Variants in AP1G1 observed in about 807,000 individuals in gnomAD.
The protein encoded by AP1G1 is AP-1 complex subunit gamma-1.
AP1G1 carries 7 observed loss-of-function variants against 108.3 expected under a neutral mutation model. The ratio of observed to expected loss-of-function variants is 0.06; its 90% CI spans 0.04 to 0.12. The LOEUF (loss-of-function observed/expected upper bound fraction) is 0.12, where lower values mean the gene tolerates loss of function less well. Among genes scored for constraint, AP1G1 ranks in the 10% least tolerant of loss-of-function variants. The pLI, the probability that AP1G1 is intolerant of heterozygous loss-of-function variation, is 1.00. For missense variants in AP1G1, 756 were observed against 1,010.7 expected (o/e 0.75, Z 3.42); for synonymous variants, 379 against 353.5 (o/e 1.07, Z -0.81).
chr16:71,745,242 C>T lies in AP1G1; in HGVS notation c.1901G>A (p.Gly634Glu), dbSNP rs571680998. ...QANDLLDLLGGNDITPVIPTA... is the reference protein window; with the variant it reads ...QANDLLDLLGENDITPVIPTA... ...TGGAATAACAGGTGTTATGTCATTT[C>T]CTCCCAACAAATCCAATAAATCATT... The change falls in exon 19 of 23, where the codon GGA becomes GAA. Residue 634 changes from glycine to glutamate, a missense_variant. Coordinates refer to ENST00000299980, the MANE Select transcript of AP1G1 (RefSeq NM_001128.6). The T allele has an allele frequency of 1.2e-6, 2 of 1,614,158 alleles. No homozygotes were observed. Among genetic ancestry groups the T allele is most frequent in the Non-Finnish European group, 1.7e-6 (2 of 1,180,016 alleles).
chr16:71,756,060 A>G lies in AP1G1; in HGVS notation c.1188T>C (p.Phe396=), dbSNP rs199893729. The G allele has an allele frequency of 9.5e-5, 154 of 1,613,250 alleles. No homozygotes were observed. Among genetic ancestry groups the G allele is most frequent in the African/African-American group, 2.7e-5 (2 of 74,938 alleles). Residue 396 remains phenylalanine, a synonymous_variant, in exon 12 of 23, where the codon TTT becomes TTC. Coordinates refer to ENST00000299980, the MANE Select transcript of AP1G1 (RefSeq NM_001128.6). ...AGATTCCAGATGCACAGTCTGCTTTAAATTCTGGCTCACACGAATCCAGAA... is the reference window on the plus strand; with the variant it reads ...AGATTCCAGATGCACAGTCTGCTTTGAATTCTGGCTCACACGAATCCAGAA... ...LYFLDSCEPE[F]KADCASGIFL... is the part of the protein sequence containing the mutation.
At position 71,753,900 on chromosome 16, in the gene AP1G1, A is replaced by G. The variant is rs757637596; in HGVS notation, c.1230-13T>C. 1 of 1,613,152 alleles carries G rather than the reference A, an allele frequency of 6.2e-7. No homozygotes were observed. Among genetic ancestry groups the G allele is most frequent in the Admixed American group, 1.7e-5 (1 of 59,954 alleles). On this transcript the variant is annotated splice_polypyrimidine_tract_variant and intron_variant, in intron 12 of 22. Coordinates refer to ENST00000299980, the MANE Select transcript of AP1G1 (RefSeq NM_001128.6). ...GGAAGGTGCATACCTGAAAAAAACAATGGAAAGGGACACTTGGAACCAGTA... is the reference window on the plus strand; with the variant it reads ...GGAAGGTGCATACCTGAAAAAAACAGTGGAAAGGGACACTTGGAACCAGTA...
intron 19 of AP1G1, among the ~76,000 whole-genome samples, chr16:71,741,275 A>G (rs1368078626): frequency 2.0e-5 from 3 of 152,228 alleles, no homozygotes; most frequent in African/African-American, 4.8e-5. Context: ...AAAAGATACT[A>G]AAGAATACTA....
intron 9 of AP1G1, among the ~76,000 whole-genome samples, chr16:71,763,147 G>C (rs1207965768): frequency 6.6e-6 from 1 of 152,206 alleles, no homozygotes. Context: ...GATTGCTTGA[G>C]GCCAGGAGTT....
chr16:71,785,569 C>A (rs1407839399), intron 2 of AP1G1, among the ~76,000 whole-genome samples: 1 of 126,438 alleles, frequency 7.9e-6, no homozygotes, highest in African/African-American at 3.0e-5. Flanking sequence ...GAGCGAAACC[C>A]TGCCTCAAAA....
chr16:71,749,196 C>A (rs1332916536), intron 15 of AP1G1, among the ~76,000 whole-genome samples: 2 of 151,982 alleles, frequency 1.3e-5, no homozygotes, highest in East Asian at 3.9e-4. Flanking sequence ...GGATTACAGG[C>A]ATGAGCCACC....
At chr16:71,750,085 A>AT in intron 14 of AP1G1, 102 bp from the exon 15 acceptor site, 4 of 1,464,156 alleles carry the variant, frequency 2.7e-6, no homozygotes, top group Non-Finnish European at 3.8e-6. Context: ...AACTGTGCAT[A>AT]TCTAGAGTGT....
intron 9 of AP1G1, among the ~76,000 whole-genome samples, chr16:71,762,953 G>A (rs370372216): frequency 6.6e-5 from 10 of 152,150 alleles, no homozygotes; most frequent in African/African-American, 2.4e-4. Flanking sequence ...TCAAACTGTG[G>A]GATGTGACAC....
intron 1 of AP1G1, among the ~76,000 whole-genome samples, chr16:71,804,752 C>T (rs1235024399): frequency 6.6e-6 from 1 of 152,184 alleles, no homozygotes; most frequent in Non-Finnish European, 1.5e-5. Flanking sequence ...CATGGTGGCA[C>T]ACACCTTTAA....
At chr16:71,733,820 C>T (rs1259659182) in intron 22 of AP1G1, among the ~76,000 whole-genome samples, 3 of 152,182 alleles carry the variant, frequency 2.0e-5, no homozygotes, top group Admixed American at 6.5e-5. Flanking sequence ...TGAACATGAC[C>T]TTTTGTTCCT....
At chr16:71,780,497 TA>T (rs537929533) in intron 2 of AP1G1, among the ~76,000 whole-genome samples, 2,805 of 129,752 alleles carry the variant, frequency 0.022, 66 homozygotes, top group African/African-American at 0.059. Context: ...TCTCTTAATT[TA>T]AAAAAAAAAA....
At chr16:71,766,817 G>A (rs1001660877) in intron 6 of AP1G1, among the ~76,000 whole-genome samples, 1 of 152,164 alleles carries the variant, frequency 6.6e-6, no homozygotes, top group Non-Finnish European at 1.5e-5. Flanking sequence ...AATAAGTTGA[G>A]CCATAACAGT....
At position 71,749,980 on chromosome 16, in the gene AP1G1, G is replaced by C. The variant is rs369109806; in HGVS notation, c.1411C>G (p.Pro471Ala). ...KAILGDYSQQ[P>A]LVQVAAWCIG... ...CACCATGCAGCCACTTGTACCAAAG[G>C]TTGCTGTGAAAAGAAAAGTCAACGT... The change falls in exon 15 of 23, where the codon CCT (proline) becomes GCT (alanine). Residue 471 changes from proline (P) to alanine (A), a missense_variant. This residue lies in a region of AP1G1 where 357 missense variants were observed against 366.5 expected (regional missense o/e 0.97). Coordinates refer to ENST00000299980, the MANE Select transcript of AP1G1 (RefSeq NM_001128.6). 3.1e-6 allele frequency: 5 copies of C among 1,611,840 alleles called. No individual in the cohort carries two copies. Among genetic ancestry groups the C allele is most frequent in the Non-Finnish European group, 4.2e-6 (5 of 1,178,096 alleles).
chr16:71,748,679 A>AAGAAAAACATAC (rs1246477096), intron 15 of AP1G1, among the ~76,000 whole-genome samples: 6 of 152,140 alleles, frequency 3.9e-5, no homozygotes, highest in Non-Finnish European at 7.4e-5. Context: ...AGAAGAAGAA[A>AAGAAAAACATAC]AGAAAAACAT....
chr16:71,800,667 G>C (rs1203862548), intron 1 of AP1G1, among the ~76,000 whole-genome samples: 4 of 152,022 alleles, frequency 2.6e-5, no homozygotes, highest in East Asian at 1.9e-4. Context: ...CAGGCGTGGT[G>C]GTGGGTGCCT....
In AP1G1 at chr16:71,733,243, T is replaced by C. The variant is rs1231554809; in HGVS notation, c.2368-84A>G. 17 of 1,124,694 alleles carry C rather than the reference T, an allele frequency of 1.5e-5. No homozygotes were observed. In the Admixed American group the frequency reaches 3.8e-4, roughly 25 times the overall value. 69.7% of individuals were successfully genotyped at this position (1,124,694 alleles called of 1,614,324 possible). On this transcript the variant is annotated intron_variant, in intron 22 of 22. Coordinates refer to ENST00000299980, the MANE Select transcript of AP1G1 (RefSeq NM_001128.6). The stretch of plus-strand genomic sequence containing the variant: ...CCGGTCCACAAATAGACTTTTAATC[T>C]TAGAGGTCAAAACTTAAAGCAAAGC...
At chr16:71,767,531 G>C (rs956774131) in intron 6 of AP1G1, among the ~76,000 whole-genome samples, 1 of 152,170 alleles carries the variant, frequency 6.6e-6, no homozygotes, top group Non-Finnish European at 1.5e-5. Context: ...AAAAGCAGCA[G>C]CATTTTGTGT....
intron 1 of AP1G1, among the ~76,000 whole-genome samples, chr16:71,800,809 AAAAG>A (rs1184563092): frequency 6.7e-6 from 1 of 149,664 alleles, no homozygotes; most frequent in Non-Finnish European, 1.5e-5. Flanking sequence ...TCAAAAAAAA[AAAAG>A]AAAGAAACCC....
At chr16:71,753,740 G>T (rs2030626839) in intron 13 of AP1G1, 93 bp downstream of exon 13, 4 of 1,148,556 alleles carry the variant, frequency 3.5e-6, no homozygotes, top group African/African-American at 3.1e-5. Flanking sequence ...ATTTACTTGT[G>T]AATTTCTTAC....
Sources: allele counts gnomAD v4.1 joint callset (sites outside exome capture counted in the v4.1 genomes callset), GRCh38; gene constraint gnomAD v4.1.1; regional missense constraint gnomAD v4.1.1; transcripts MANE v1.5; gene names NCBI Gene and HGNC (gene_info 2026-07-23, HGNC 2026-07-21).